Variants in AKAP11 observed in about 807,000 individuals in gnomAD.
AKAP11 encodes the protein A-kinase anchor protein 11.
Under a neutral mutation model 146.1 loss-of-function variants are expected in AKAP11, and 36 were observed. The observed-to-expected ratio is 0.25, with a 90% CI of 0.19 to 0.33. The LOEUF (loss-of-function observed/expected upper bound fraction) is 0.33, where lower values mean the gene tolerates loss of function less well. Ranked by LOEUF, AKAP11 falls within the 10% of genes least tolerant of loss-of-function variation. The pLI is 1.00. For synonymous variants in AKAP11, 780 were observed against 786.5 expected, an observed-to-expected ratio of 0.99 and a Z score of 0.14; for missense variants, 2,201 against 2,197.0, an observed-to-expected ratio of 1.00 and a Z score of -0.04.
chr13:42,274,099 C>T (rs757029433), intron 1 of AKAP11, among the ~76,000 whole-genome samples: 1 of 152,028 alleles, frequency 6.6e-6, no homozygotes. Flanking sequence ...ACTTGTAGGG[C>T]GTGTGGTGTT....
At chr13:42,309,918 TG>T (rs1045075908) in intron 9 of AKAP11, among the ~76,000 whole-genome samples, 2 of 152,336 alleles carry the variant, frequency 1.3e-5, no homozygotes, top group Admixed American at 6.5e-5. Context: ...TGAACAACTC[TG>T]TGCTGAATAT....
Position 42,303,600 on chromosome 13 carries a change from T to C in AKAP11, c.4854T>C (p.Ala1618=). The change falls in exon 8 of 13, where the codon GCT becomes GCC. Residue 1618 remains alanine (A), a synonymous_variant. Coordinates refer to ENST00000025301, the MANE Select transcript of AKAP11 (RefSeq NM_016248.4). Reference sequence around the variant, plus strand: ...GTTCTCTCGCCAGTAGTAAGCCAGCTTCTAATCCAAAATTTAGCAGCCGCT... The same window carrying C: ...GTTCTCTCGCCAGTAGTAAGCCAGCCTCTAATCCAAAATTTAGCAGCCGCT... ...RQGSLASSKP[A]SNPKFSSRYQ... is the part of the protein sequence containing the mutation. 6.2e-7 allele frequency: 1 copy of C among 1,614,208 alleles called. No individual in the cohort carries two copies. Among genetic ancestry groups the C allele is most frequent in the Non-Finnish European group, 8.5e-7 (1 of 1,180,028 alleles).
In AKAP11 at chr13:42,280,392, A is replaced by G. The variant is rs528976288; in HGVS notation, c.-99-5594A>G. On this transcript the variant is annotated intron_variant, in intron 1 of 12. Coordinates refer to ENST00000025301, the MANE Select transcript of AKAP11 (RefSeq NM_016248.4). ...GTTTACTCTAAATGTGATCTCAGAT[A>G]CTATAAAGTAGAAATTATTGGAAAC... Among the ~76,000 whole-genome samples, 19 of 152,364 alleles carry G rather than the reference A, an allele frequency of 1.2e-4. No homozygotes were observed. The East Asian group carries it at 3.7e-3, about 29-fold the overall frequency.
rs533333995 is a variant in AKAP11, at chr13:42,296,995, C to A, written c.217-53C>A. On this transcript the variant is annotated intron_variant, in intron 5 of 12. Coordinates refer to ENST00000025301, the MANE Select transcript of AKAP11 (RefSeq NM_016248.4). ...TGGATAGGGTCCACATTATAGGAAC[C>A]TTAACAAAAGTGTTACTCTACAGTG... 2.7e-6 allele frequency: 4 copies of A among 1,498,520 alleles called. No homozygotes were observed. In the East Asian group the frequency reaches 1.0e-4, roughly 39 times the overall value. 92.8% of individuals were successfully genotyped at this position (1,498,520 alleles called of 1,614,324 possible).
At chr13:42,279,059 A>G (rs892355390) in intron 1 of AKAP11, among the ~76,000 whole-genome samples, 2 of 151,782 alleles carry the variant, frequency 1.3e-5, no homozygotes, top group Non-Finnish European at 2.9e-5. Context: ...TTTCTGGTCA[A>G]TTAATATTTT....
chr13:42,287,467 G>A (rs1279603959), intron 3 of AKAP11, among the ~76,000 whole-genome samples: 2 of 151,874 alleles, frequency 1.3e-5, no homozygotes, highest in South Asian at 2.1e-4. Flanking sequence ...TGTATTTTTA[G>A]TAGAGACGGG....
intron 8 of AKAP11, among the ~76,000 whole-genome samples, chr13:42,306,169 C>T (rs936587379): frequency 6.6e-6 from 1 of 152,210 alleles, no homozygotes; most frequent in Admixed American, 6.5e-5. Flanking sequence ...ATACCAGTTC[C>T]TAGTATGATA....
intron 8 of AKAP11, among the ~76,000 whole-genome samples, chr13:42,306,562 C>G (rs1160509095): frequency 3.9e-5 from 6 of 152,174 alleles, no homozygotes; most frequent in African/African-American, 1.4e-4. Context: ...TCCTGCTTCT[C>G]TTCTTAATAA....
intron 9 of AKAP11, among the ~76,000 whole-genome samples, chr13:42,310,762 G>A (rs1960519390): frequency 6.6e-6 from 1 of 151,888 alleles, no homozygotes; most frequent in Admixed American, 6.6e-5. Context: ...GGGAGGCTAA[G>A]GCAGGAGAAT....
At chr13:42,284,291 G>T (rs960061706) in intron 1 of AKAP11, among the ~76,000 whole-genome samples, 1 of 152,224 alleles carries the variant, frequency 6.6e-6, no homozygotes, top group African/African-American at 2.4e-5. Context: ...CTGAGTCAAA[G>T]AAGTATTTCC....
At position 42,303,799 on chromosome 13, in the gene AKAP11, G is replaced by A; in HGVS notation, c.5053G>A (p.Ala1685Thr). ...GATCGGACAGGAGGGTGCCAGCTTTGCTGAAAGCCTTGCCACAGAAACCAT... is the reference window on the plus strand; with the variant it reads ...GATCGGACAGGAGGGTGCCAGCTTTACTGAAAGCCTTGCCACAGAAACCAT... Reference protein sequence around the residue: ...SGIGQEGASFAESLATETMTA... With the variant: ...SGIGQEGASFTESLATETMTA... The change falls in exon 8 of 13, where the codon GCT (alanine) becomes ACT (threonine). Residue 1685 changes from alanine to threonine, a missense_variant. Physicochemically the swap from Ala to Thr is moderately conservative, Grantham distance 58 (BLOSUM62 0). Coordinates refer to ENST00000025301, the MANE Select transcript of AKAP11 (RefSeq NM_016248.4). The A allele has an allele frequency of 6.2e-7, 1 of 1,610,154 alleles. No individual in the cohort carries two copies. The highest frequency in any genetic ancestry group is 8.5e-7 in the Non-Finnish European group (1 of 1,177,888).
rs555010701 is a variant in AKAP11, at chr13:42,301,755, A to G, written c.3009A>G (p.Ala1003=). 19 of 1,614,120 alleles carry G rather than the reference A, an allele frequency of 1.2e-5. No individual in the cohort carries two copies. The highest frequency in any genetic ancestry group is 1.1e-4 in the East Asian group (5 of 44,890). ...NQLTHCSLSA[A]KDCVPECKVS... is the part of the protein sequence containing the mutation. ...TAACTCACTGCTCACTTTCAGCTGC[A>G]AAGGATTGTGTTCCAGAATGTAAAG... Residue 1003 remains alanine, a synonymous_variant, in exon 8 of 13, where the codon GCA becomes GCG. Transcript: ENST00000025301.
intron 4 of AKAP11, among the ~76,000 whole-genome samples, chr13:42,293,951 A>G (rs911021651): frequency 2.0e-5 from 3 of 152,200 alleles, no homozygotes; most frequent in African/African-American, 7.2e-5. Flanking sequence ...TACATTATCC[A>G]GTTAACCTCA....
Position 42,287,544 on chromosome 13 carries a change from A to G in AKAP11, c.51+1145A>G, listed in dbSNP as rs542144406. On this transcript the variant is annotated intron_variant, in intron 3 of 12. Transcript: ENST00000025301. ...CGTGATCTGCCTGCCTCGGCCTCCC[A>G]AAGTGCTGGGATTACAGGTGTGAGC... 2.6e-5 allele frequency among the ~76,000 whole-genome samples: 4 copies of G among 152,244 alleles called. No individual in the cohort carries two copies. The East Asian group carries it at 5.8e-4, about 22-fold the overall frequency.
intron 1 of AKAP11, among the ~76,000 whole-genome samples, chr13:42,282,284 A>C (rs1271091300): frequency 6.9e-6 from 1 of 144,384 alleles, no homozygotes; most frequent in African/African-American, 2.5e-5. Flanking sequence ...TTTTTTTTTA[A>C]ATTACAAGTG....
intron 11 of AKAP11, among the ~76,000 whole-genome samples, chr13:42,317,093 G>T (rs577518442): frequency 1.3e-5 from 2 of 152,262 alleles, no homozygotes; most frequent in East Asian, 3.9e-4. Flanking sequence ...GGGCAGGCTG[G>T]TCTCGAACTC....
chr13:42,277,042 G>A (rs375243135), intron 1 of AKAP11, among the ~76,000 whole-genome samples: 14 of 152,302 alleles, frequency 9.2e-5, no homozygotes, highest in African/African-American at 3.1e-4. Flanking sequence ...ACAATCTCAA[G>A]ATTTTAGTTT....
intron 9 of AKAP11, among the ~76,000 whole-genome samples, chr13:42,309,723 T>G (rs1960456463): frequency 6.6e-6 from 1 of 152,190 alleles, no homozygotes. Flanking sequence ...AAATCATGAT[T>G]TGGCCCTTTT....
At chr13:42,276,485 G>A (rs773498351) in intron 1 of AKAP11, among the ~76,000 whole-genome samples, 27 of 152,060 alleles carry the variant, frequency 1.8e-4, no homozygotes, top group African/African-American at 6.5e-4. Flanking sequence ...GGCTCAAGCC[G>A]TCCACCTGCC....
Sources: gnomAD v4.1 joint callset for allele counts (sites outside exome capture counted in the v4.1 genomes callset) on GRCh38, gnomAD v4.1.1 for gene constraint, MANE v1.5 for transcripts, NCBI Gene and HGNC (gene_info 2026-07-23, HGNC 2026-07-21) for gene names.